The following PLEC variants were observed in gnomAD, a reference collection of about 807,000 sequenced individuals.
PLEC encodes the protein plectin, also known as hemidesmosomal protein 1.
A neutral mutation model predicts 392.8 loss-of-function variants in PLEC; 216 were observed. That is an observed-to-expected ratio of 0.55 (90% CI 0.49 to 0.62). PLEC has a LOEUF of 0.62. Among genes scored for constraint, PLEC ranks in the 20% least tolerant of loss-of-function variants. PLEC has a pLI of 0.00. For synonymous variants in PLEC, 3,621 were observed against 2,980.6 expected (o/e 1.21, Z -7.00); for missense variants, 6,863 against 6,563.4 (o/e 1.05, Z -1.58).
At position 143,924,837 on chromosome 8, in the gene PLEC, G is replaced by A. The variant is rs201386659; in HGVS notation, c.5092C>T (p.Arg1698Trp). The change falls in exon 31 of 32, where the codon CGG (arginine) becomes TGG (tryptophan). Residue 1698 changes from arginine (R) to tryptophan (W), a missense_variant. Coordinates refer to ENST00000345136, the MANE Select transcript of PLEC (RefSeq NM_201384.3). ...TGCGCGGTGCCTTCCGCCAGCTGCC[G>A]CTGCTTCTCCAGCTCTTGTTCAGCC... ...ELAEQELEKQ[R>W]QLAEGTAQQR... The A allele has an allele frequency of 4.3e-5, 68 of 1,573,556 alleles. No homozygotes were observed. Among genetic ancestry groups the A allele is most frequent in the African/African-American group, 5.4e-5 (4 of 74,062 alleles).
chr8:143,971,006 TG>T (rs1316822363), intron 1 of PLEC, among the ~76,000 whole-genome samples: 3 of 151,910 alleles, frequency 2.0e-5, no homozygotes, highest in African/African-American at 4.8e-5. Context: ...ACAGGGAGAA[TG>T]GGGGGGCTGA....
chr8:143,923,474 G>T lies in PLEC; in HGVS notation c.6455C>A (p.Ala2152Glu). ...AEQEAARRAQ[A>E]EQAALRQKQA... ...CTTCTGCCGCAGGGCCGCCTGCTCC[G>T]CCTGTGCCCGCCGCGCCGCCTCTTG... Residue 2152 changes from alanine to glutamate, a missense_variant, in exon 31 of 32, where the codon GCG (alanine) becomes GAG (glutamate). Coordinates refer to ENST00000345136, the MANE Select transcript of PLEC (RefSeq NM_201384.3). 6.2e-7 allele frequency: 1 copy of T among 1,601,034 alleles called. No homozygotes were observed. The highest frequency in any genetic ancestry group is 1.7e-5 in the Admixed American group (1 of 59,832).
intron 16 of PLEC, 74 bp downstream of exon 16, chr8:143,932,326 C>T: frequency 6.2e-7 from 1 of 1,607,624 alleles, no homozygotes; most frequent in East Asian, 2.2e-5. Context: ...CCACTGGTCT[C>T]TGACCATAGG....
intron 1 of PLEC, among the ~76,000 whole-genome samples, chr8:143,970,497 A>G (rs1833368796): frequency 6.6e-6 from 1 of 152,086 alleles, no homozygotes; most frequent in Non-Finnish European, 1.5e-5. Context: ...GTCAGTACCA[A>G]TTAGGTTGAC....
rs563070961 is a variant in PLEC at position 143,931,643 on chromosome 8, C to T, written c.2195G>A (p.Arg732Gln). The T allele has an allele frequency of 1.0e-5, 16 of 1,600,398 alleles. No individual in the cohort carries two copies. Among genetic ancestry groups the T allele is most frequent in the South Asian group, 4.5e-5 (4 of 88,724 alleles). Residue 732 changes from arginine (R) to glutamine (Q), a missense_variant, in exon 19 of 32, where the codon CGG (arginine) becomes CAG (glutamine). Transcript: ENST00000345136. ...AAYFQFFSDV[R>Q]EAEGQLQKLQ... ...CTTCTGCAACTGCCCCTCGGCCTCCCGCACATCTGAGAAGAACTGGGGCAG... is the reference window on the plus strand; with the variant it reads ...CTTCTGCAACTGCCCCTCGGCCTCCTGCACATCTGAGAAGAACTGGGGCAG...
upstream of PLEC, among the ~76,000 whole-genome samples, chr8:143,952,632 C>T (rs923871876): frequency 6.6e-6 from 1 of 151,960 alleles, no homozygotes; most frequent in Admixed American, 6.6e-5. Flanking sequence ...ACCTAATCCC[C>T]CCCAGATCTC....
chr8:143,920,824 C>T lies in PLEC; in HGVS notation c.8997G>A (p.Gln2999=), dbSNP rs142198763. ...SRVIDRELYQ[Q]LQRGERSVRD... ...GCACAGAGCGCTCACCTCGCTGCAG[C>T]TGCTGGTAGAGCTCGCGGTCGATGA... Residue 2999 remains glutamine (Q), a synonymous_variant, in exon 32 of 32, where the codon CAG becomes CAA. Transcript: ENST00000345136. The T allele has an allele frequency of 8.4e-5, 135 of 1,608,644 alleles. No individual in the cohort carries two copies. The East Asian group carries it at 3.0e-3, about 35-fold the overall frequency.
Position 143,932,035 on chromosome 8 carries a change from G to A in PLEC, c.2083-3C>T. The A allele has an allele frequency of 6.3e-7, 1 of 1,594,276 alleles. No individual in the cohort carries two copies. The highest frequency in any genetic ancestry group is 8.5e-7 in the Non-Finnish European group (1 of 1,170,982). On this transcript the variant is annotated splice_polypyrimidine_tract_variant and splice_region_variant and intron_variant, in intron 17 of 31. Coordinates refer to ENST00000345136, the MANE Select transcript of PLEC (RefSeq NM_201384.3). Reference sequence around the variant, plus strand: ...GTCTGCAGGGCCGCCTGGAAGGACTGCGGGACAGCAGGTCCCGGTCAGGCC... The same window carrying A: ...GTCTGCAGGGCCGCCTGGAAGGACTACGGGACAGCAGGTCCCGGTCAGGCC...
At position 143,933,027 on chromosome 8, in the gene PLEC, G is replaced by A; in HGVS notation, c.1503C>T (p.Thr501=). Residue 501 remains threonine (T), a synonymous_variant, in exon 14 of 32, where the codon ACC becomes ACT. Transcript: ENST00000345136. ...TCTGCAGAGTCACCTGGGCCACCTGGGTTGCAGGGGCCGCCACGCCTGCCT... is the reference window on the plus strand; with the variant it reads ...TCTGCAGAGTCACCTGGGCCACCTGAGTTGCAGGGGCCGCCACGCCTGCCT... ...RLKAGVAAPA[T]QVAQVTLQSV... is the part of the protein sequence containing the mutation. 4 of 1,600,166 alleles carry A rather than the reference G, an allele frequency of 2.5e-6. No individual in the cohort carries two copies. The highest frequency in any genetic ancestry group is 3.4e-6 in the Non-Finnish European group (4 of 1,174,772).
At position 143,920,816 on chromosome 8, in the gene PLEC, C is replaced by T. The variant is rs782565838; in HGVS notation, c.9005G>A (p.Arg3002Gln). Residue 3002 changes from arginine to glutamine, a missense_variant, in exon 32 of 32, where the codon CGA becomes CAA. Arg to Gln is a conservative substitution (Grantham distance 43). Coordinates refer to ENST00000345136, the MANE Select transcript of PLEC (RefSeq NM_201384.3). Reference sequence around the variant, plus strand: ...TACGTCTCGCACAGAGCGCTCACCTCGCTGCAGCTGCTGGTAGAGCTCGCG... The same window carrying T: ...TACGTCTCGCACAGAGCGCTCACCTTGCTGCAGCTGCTGGTAGAGCTCGCG... Reference protein sequence around the residue: ...IDRELYQQLQRGERSVRDVAE... With the variant: ...IDRELYQQLQQGERSVRDVAE... 46 of 1,608,184 alleles carry T rather than the reference C, an allele frequency of 2.9e-5. No individual in the cohort carries two copies. The highest frequency in any genetic ancestry group is 1.8e-4 in the South Asian group (16 of 91,076).
intron 6 of PLEC, among the ~76,000 whole-genome samples, 169 bp from the exon 7 acceptor site, chr8:143,935,482 C>T (rs1161307026): frequency 1.3e-5 from 2 of 152,158 alleles, no homozygotes; most frequent in Non-Finnish European, 2.9e-5. Flanking sequence ...ACCCTGCCAC[C>T]CCCACACCCA....
intron 1 of PLEC, chr8:143,944,737 G>A (rs1831185599): frequency 6.3e-6 from 8 of 1,263,784 alleles, no homozygotes; most frequent in Non-Finnish European, 8.0e-6. Flanking sequence ...CCCCTCGGAG[G>A]AGGCACAAGC....
chr8:143,920,756 C>T lies in PLEC; in HGVS notation c.9065G>A (p.Gly3022Asp), dbSNP rs1554682874. 2 of 1,605,616 alleles carry T rather than the reference C, an allele frequency of 1.2e-6. No individual in the cohort carries two copies. The highest frequency in any genetic ancestry group is 8.5e-7 in the Non-Finnish European group (1 of 1,179,902). ...CCATACACCCGCGATGACGTTGGCA[C>T]CCCGGAGAGCCCGCCGCACAGTGTC... ...EVDTVRRALR[G>D]ANVIAGVWLE... Residue 3022 changes from glycine (G) to aspartate (D), a missense_variant, in exon 32 of 32, where the codon GGT becomes GAT. Physicochemically the swap from Gly to Asp is moderately conservative, Grantham distance 94. Coordinates refer to ENST00000345136, the MANE Select transcript of PLEC (RefSeq NM_201384.3).
At chr8:143,966,328 G>A (rs1336935816) in intron 1 of PLEC, among the ~76,000 whole-genome samples, 1 of 152,194 alleles carries the variant, frequency 6.6e-6, no homozygotes, top group African/African-American at 2.4e-5. Context: ...CCTAGTGATG[G>A]CCTCCCAGCC....
At position 143,923,375 on chromosome 8, in the gene PLEC, T is replaced by C; in HGVS notation, c.6554A>G (p.Glu2185Gly). The C allele has an allele frequency of 6.2e-7, 1 of 1,610,576 alleles. No individual in the cohort carries two copies. Among genetic ancestry groups the C allele is most frequent in the Non-Finnish European group, 8.5e-7 (1 of 1,179,512 alleles). The change falls in exon 31 of 32, where the codon GAG becomes GGG. Residue 2185 changes from glutamate to glycine, a missense_variant. Coordinates refer to ENST00000345136, the MANE Select transcript of PLEC (RefSeq NM_201384.3). ...CAGCCGCAGTGTTGTCAGCTCCTGC[T>C]CCACCTGCGCCTTCTGCCGCAGCGT... ...EQTLRQKAQVEQELTTLRLQL... is the reference protein window; with the variant it reads ...EQTLRQKAQVGQELTTLRLQL...
At chr8:143,973,969 C>G (rs376544981), upstream of PLEC, among the ~76,000 whole-genome samples, 92 of 152,302 alleles carry the variant, frequency 6.0e-4, 1 homozygote, top group African/African-American at 2.1e-3. This position sits in a 1 kb window ranked among gnomAD's most constrained non-coding sequence, Gnocchi z 5.6. Context: ...AGTACACATA[C>G]GAGGACTGGA....
rs1554715200 is a variant in PLEC, at chr8:143,931,516, G to T, written c.2304+18C>A. On this transcript the variant is annotated intron_variant, in intron 19 of 31. Transcript: ENST00000345136. ...GGCCAGCCCCTCCTGACACGCCCCTGCACACCCCCTCCCTCACCTGGGCAT... is the reference window on the plus strand; with the variant it reads ...GGCCAGCCCCTCCTGACACGCCCCTTCACACCCCCTCCCTCACCTGGGCAT... 6.4e-7 allele frequency: 1 copy of T among 1,557,754 alleles called. No individual in the cohort carries two copies. Among genetic ancestry groups the T allele is most frequent in the South Asian group, 1.2e-5 (1 of 85,590 alleles).
chr8:143,944,285 C>G (rs1831097377), upstream of PLEC, among the ~76,000 whole-genome samples: 2 of 152,192 alleles, frequency 1.3e-5, no homozygotes, highest in South Asian at 4.1e-4. Context: ...CGGCACACAC[C>G]CTCCCTCCCT....
rs1199247968 is a variant in PLEC at position 143,922,548 on chromosome 8, TCTC to T, written c.7378_7380del (p.Glu2460del). ...AGCAGTTTGGCCTCCTGTTGGAGCT[TCTC>T]CTTCTCACGCTCCAGCTCAGCGATG... On this transcript the variant is annotated inframe_deletion, in exon 31 of 32. Coordinates refer to ENST00000345136, the MANE Select transcript of PLEC (RefSeq NM_201384.3). 9.3e-6 allele frequency: 15 copies of T among 1,612,726 alleles called. No individual in the cohort carries two copies. Among genetic ancestry groups the T allele is most frequent in the Non-Finnish European group, 1.1e-5 (13 of 1,179,962 alleles).
Sources: gnomAD v4.1 joint callset for allele counts (sites outside exome capture counted in the v4.1 genomes callset) on GRCh38, gnomAD v4.1.1 for gene constraint, Gnocchi (gnomAD v3.1) non-coding constraint, MANE v1.5 for transcripts, NCBI Gene and HGNC (gene_info 2026-07-23, HGNC 2026-07-21) for gene names.